Variants in TCAIM observed in about 807,000 individuals in gnomAD.
TCAIM encodes T cell activation inhibitor, mitochondrial.
Under a neutral mutation model 58.6 loss-of-function variants are expected in TCAIM, and 36 were observed. The ratio of observed to expected loss-of-function variants is 0.61; its 90% CI spans 0.47 to 0.81. The LOEUF is 0.81. Among genes scored for constraint, TCAIM ranks in the 30% least tolerant of loss-of-function variants. The pLI is 0.00. For synonymous variants in TCAIM, 172 were observed against 193.6 expected (o/e 0.89, Z 0.93); for missense variants, 466 against 579.6 (o/e 0.80, Z 2.01).
intron 5 of TCAIM, among the ~76,000 whole-genome samples, chr3:44,370,201 G>A (rs1172038879): frequency 6.6e-6 from 1 of 152,030 alleles, no homozygotes; most frequent in Non-Finnish European, 1.5e-5. Context: ...TAAGAGTATA[G>A]CAACATAAAA....
intron 1 of TCAIM, among the ~76,000 whole-genome samples, chr3:44,349,481 T>G (rs1297107163): frequency 6.6e-6 from 1 of 151,860 alleles, no homozygotes; most frequent in African/African-American, 2.4e-5. Context: ...GGGTAGAAGG[T>G]TGCCCATAGT....
At chr3:44,379,004 C>A (rs1701611974) in intron 5 of TCAIM, among the ~76,000 whole-genome samples, 1 of 142,496 alleles carries the variant, frequency 7.0e-6, no homozygotes, top group Non-Finnish European at 1.5e-5. Context: ...ACCAAAAATA[C>A]AAAAAAATAG....
intron 5 of TCAIM, among the ~76,000 whole-genome samples, chr3:44,391,998 A>G (rs1701845892): frequency 6.6e-6 from 1 of 152,188 alleles, no homozygotes; most frequent in Admixed American, 6.5e-5. Flanking sequence ...CTACCCTCCC[A>G]TATGTGTATG....
intron 1 of TCAIM, among the ~76,000 whole-genome samples, chr3:44,344,279 G>A (rs537114577): frequency 2.0e-5 from 3 of 152,252 alleles, no homozygotes; most frequent in Non-Finnish European, 2.9e-5. Context: ...TTACAGGGAT[G>A]AGCCACCATA....
intron 1 of TCAIM, among the ~76,000 whole-genome samples, chr3:44,352,955 C>T (rs28852090): frequency 0.014 from 1,783 of 125,924 alleles, 37 homozygotes; most frequent in African/African-American, 0.048. Flanking sequence ...AGTTTTTGCT[C>T]GTGTTGCCCA....
chr3:44,359,889 T>C (rs1413041413), intron 3 of TCAIM: 1 of 152,226 alleles, frequency 6.6e-6, no homozygotes, highest in Non-Finnish European at 1.5e-5. Context: ...GCCTAGAGTT[T>C]AATGGTTCTG....
intron 1 of TCAIM, among the ~76,000 whole-genome samples, chr3:44,354,447 C>A (rs190208061): frequency 3.9e-5 from 6 of 152,306 alleles, no homozygotes; most frequent in African/African-American, 1.4e-4. Context: ...TATCCACAAA[C>A]TAACTTGCTG....
chr3:44,350,380 T>C (rs762123892), intron 1 of TCAIM, among the ~76,000 whole-genome samples: 3 of 152,098 alleles, frequency 2.0e-5, no homozygotes, highest in Non-Finnish European at 2.9e-5. Context: ...AGGCTTGGGC[T>C]CAGAGGCCTG....
chr3:44,397,546 A>G (rs953302811), intron 8 of TCAIM, among the ~76,000 whole-genome samples: 5 of 152,234 alleles, frequency 3.3e-5, no homozygotes, highest in Admixed American at 3.3e-4. Flanking sequence ...GTTGATGAAC[A>G]TAGGGTCGTA....
intron 9 of TCAIM, chr3:44,400,813 T>G: frequency 1.8e-6 from 1 of 554,514 alleles, no homozygotes; most frequent in East Asian, 3.1e-5. Context: ...CTGAGCAGAT[T>G]TACTGGGCAA....
chr3:44,347,978 T>C (rs1322786789), intron 1 of TCAIM, among the ~76,000 whole-genome samples: 1 of 152,108 alleles, frequency 6.6e-6, no homozygotes, highest in Non-Finnish European at 1.5e-5. Flanking sequence ...AAGCAGATAA[T>C]TTAGTTAAAA....
chr3:44,356,523 A>C (rs1238198709), intron 2 of TCAIM, among the ~76,000 whole-genome samples: 1 of 151,390 alleles, frequency 6.6e-6, no homozygotes. Context: ...CTCTGTCTCA[A>C]AAAAAAAAGC....
chr3:44,396,486 A>G lies in TCAIM; in HGVS notation c.782A>G (p.Lys261Arg), dbSNP rs905426211. 3 of 1,613,136 alleles carry G rather than the reference A, an allele frequency of 1.9e-6. No individual in the cohort carries two copies. Among genetic ancestry groups the G allele is most frequent in the African/African-American group, 2.7e-5 (2 of 74,912 alleles). The change falls in exon 7 of 11, where the codon AAA (lysine) becomes AGA (arginine). Residue 261 changes from lysine to arginine, a missense_variant. Transcript: ENST00000342649. ...GCACAGCAGAATTTGGAAACACTTAAAAAAGCAAAAGGTAAACATTTTCCA... is the reference window on the plus strand; with the variant it reads ...GCACAGCAGAATTTGGAAACACTTAGAAAAGCAAAAGGTAAACATTTTCCA... The part of the protein sequence containing the change: ...RLAQQNLETL[K>R]KAKGCTIIFT...
chr3:44,347,535 T>C (rs1700995449), intron 1 of TCAIM, among the ~76,000 whole-genome samples: 1 of 151,740 alleles, frequency 6.6e-6, no homozygotes, highest in African/African-American at 2.4e-5. Flanking sequence ...GAATAATGGG[T>C]GGTGGAGGGA....
intron 1 of TCAIM, among the ~76,000 whole-genome samples, chr3:44,351,588 G>A (rs775650197): frequency 2.0e-5 from 3 of 151,836 alleles, no homozygotes; most frequent in Middle Eastern, 3.2e-3. Context: ...TCTGCCTCCC[G>A]GGTTCAAGTG....
At chr3:44,343,932 C>A (rs1189084301) in intron 1 of TCAIM, among the ~76,000 whole-genome samples, 1 of 151,312 alleles carries the variant, frequency 6.6e-6, no homozygotes, top group South Asian at 2.1e-4. Context: ...GATTACAAAG[C>A]GATTAGTGGA....
chr3:44,353,928 T>C (rs981637065), intron 1 of TCAIM, among the ~76,000 whole-genome samples: 2 of 152,244 alleles, frequency 1.3e-5, no homozygotes, highest in African/African-American at 4.8e-5. Flanking sequence ...TTTTCAGTTT[T>C]ACTGAAGTCC....
intron 5 of TCAIM, among the ~76,000 whole-genome samples, chr3:44,379,205 T>C (rs1247375286): frequency 1.3e-5 from 2 of 151,436 alleles, no homozygotes; most frequent in Admixed American, 1.3e-4. Context: ...AAAAAATTAA[T>C]TAATAAATAA....
intron 3 of TCAIM, chr3:44,358,472 A>C: frequency 5.5e-6 from 3 of 545,778 alleles, no homozygotes; most frequent in Non-Finnish European, 9.4e-6. Context: ...AAAAAAATAC[A>C]TCTGTACTAC....
Sources: gnomAD v4.1 joint callset for allele counts (sites outside exome capture counted in the v4.1 genomes callset) on GRCh38, gnomAD v4.1.1 for gene constraint, MANE v1.5 for transcripts, NCBI Gene and HGNC (gene_info 2026-07-23, HGNC 2026-07-21) for gene names.